Variants in GLI3 observed in about 807,000 individuals in gnomAD.
The protein encoded by GLI3 is transcription activator GLI3.
GLI3 carries 20 observed loss-of-function variants against 100.8 expected under a neutral mutation model. The observed-to-expected ratio is 0.20, with a 90% CI of 0.14 to 0.29. GLI3 has a LOEUF of 0.29. GLI3 is among the 10% of genes least tolerant of loss of function. The pLI is 1.00. For missense variants in GLI3, 2,040 were observed against 2,128.5 expected (o/e 0.96, Z 0.82); for synonymous variants, 938 against 860.5 (o/e 1.09, Z -1.58).
chr7:42,104,175 C>T (rs1785526088), intron 3 of GLI3, among the ~76,000 whole-genome samples: 1 of 152,184 alleles, frequency 6.6e-6, no homozygotes, highest in Admixed American at 6.5e-5. Flanking sequence ...AGGAATCTAT[C>T]ATCTTCAGTA....
At chr7:42,156,426 C>G (rs1179328530) in intron 2 of GLI3, among the ~76,000 whole-genome samples, 1 of 152,196 alleles carries the variant, frequency 6.6e-6, no homozygotes, top group Non-Finnish European at 1.5e-5. Context: ...ATGACTATCT[C>G]TCTCTGTGAG....
chr7:42,051,172 T>C (rs1263193932), intron 4 of GLI3, among the ~76,000 whole-genome samples: 3 of 151,914 alleles, frequency 2.0e-5, no homozygotes, highest in African/African-American at 7.3e-5. Flanking sequence ...GAAGCAACAG[T>C]GGAAAGGAGG....
chr7:42,087,714 CT>C (rs10574635), intron 3 of GLI3, among the ~76,000 whole-genome samples: 53,101 of 145,692 alleles, frequency 0.36, 9,697 homozygotes, highest in Middle Eastern at 0.46. Context: ...CCACCACCTA[CT>C]TTTTTTTTTT....
intron 3 of GLI3, among the ~76,000 whole-genome samples, chr7:42,117,365 T>C (rs1362844295): frequency 6.6e-6 from 1 of 152,234 alleles, no homozygotes; most frequent in East Asian, 1.9e-4. Flanking sequence ...TTTACAAGGC[T>C]GTCACCTGTC....
At chr7:42,253,972 C>A (rs186034106) in intron 1 of GLI3, among the ~76,000 whole-genome samples, 2 of 152,146 alleles carry the variant, frequency 1.3e-5, no homozygotes, top group African/African-American at 2.4e-5. Flanking sequence ...GTAATCCCAG[C>A]GCTCTGGGAG....
upstream of GLI3, among the ~76,000 whole-genome samples, chr7:42,240,269 C>T (rs534794368): frequency 6.6e-6 from 1 of 152,082 alleles, no homozygotes; most frequent in Non-Finnish European, 1.5e-5. Context: ...ATAGTAAGTC[C>T]TCAGAATAGT....
intron 10 of GLI3, among the ~76,000 whole-genome samples, chr7:41,998,412 T>C (rs966502262): frequency 2.4e-4 from 37 of 152,336 alleles, no homozygotes; most frequent in African/African-American, 8.4e-4. Context: ...AAACAGCTGC[T>C]TCCCACCATG....
intron 2 of GLI3, among the ~76,000 whole-genome samples, chr7:42,220,517 C>G (rs1477424413): frequency 6.6e-6 from 1 of 152,154 alleles, no homozygotes; most frequent in Non-Finnish European, 1.5e-5. Context: ...ACACCAGTCC[C>G]TGTGATCAAG....
At chr7:42,119,151 A>G (rs1785933267) in intron 3 of GLI3, among the ~76,000 whole-genome samples, 1 of 152,216 alleles carries the variant, frequency 6.6e-6, no homozygotes, top group Admixed American at 6.5e-5. Context: ...TGACTCCCGC[A>G]CTGTATTCTT....
At chr7:42,216,335 G>A (rs1788376383) in intron 2 of GLI3, among the ~76,000 whole-genome samples, 1 of 152,226 alleles carries the variant, frequency 6.6e-6, no homozygotes, top group Non-Finnish European at 1.5e-5. Flanking sequence ...CTTGAGTGCT[G>A]TGAAGGAAGG....
chr7:41,967,615 G>C lies in GLI3; in HGVS notation c.2412C>G (p.Val804=), dbSNP rs761829250. Residue 804 remains valine, a synonymous_variant, in exon 14 of 15, where the codon GTC becomes GTG. Coordinates refer to ENST00000395925, the MANE Select transcript of GLI3 (RefSeq NM_000168.6). ...ACTCACCATTTCCTATGAGAGGAGAGACCGCAGGGGCTTTAGGGGGTAGAA... is the reference window on the plus strand; with the variant it reads ...ACTCACCATTTCCTATGAGAGGAGACACCGCAGGGGCTTTAGGGGGTAGAA... ...NPILPPKAPA[V]SPLIGNGTQS... 57 of 1,612,834 alleles carry C rather than the reference G, an allele frequency of 3.5e-5. No individual in the cohort carries two copies. Among genetic ancestry groups the C allele is most frequent in the Non-Finnish European group, 4.4e-5 (52 of 1,179,254 alleles).
intron 2 of GLI3, among the ~76,000 whole-genome samples, chr7:42,205,820 A>G (rs1006226962): frequency 6.6e-6 from 1 of 152,202 alleles, no homozygotes; most frequent in African/African-American, 2.4e-5. Flanking sequence ...CAAAATGTAA[A>G]CACCAAAGCA....
At chr7:41,980,156 G>C (rs945735126) in intron 10 of GLI3, among the ~76,000 whole-genome samples, 1 of 152,174 alleles carries the variant, frequency 6.6e-6, no homozygotes, top group African/African-American at 2.4e-5. Context: ...CACAAGAAGA[G>C]AGCCAATGTC....
rs1789167470 is a variant in GLI3, at chr7:42,263,581, G to A, written c.-43+413C>T. 2.0e-5 allele frequency among the ~76,000 whole-genome samples: 3 copies of A among 152,110 alleles called. No individual in the cohort carries two copies. The South Asian group carries it at 6.2e-4, about 32-fold the overall frequency. On this transcript the variant is annotated intron_variant, in intron 1 of 2. Coordinates refer to the GLI3 transcript ENST00000678978. ...CCTGCCCCAGCCTCTGGAGTAGCTA[G>A]GATTACAGGAGCGTGCCACCATGCC...
chr7:41,973,255 T>G (rs1431260068), intron 12 of GLI3, among the ~76,000 whole-genome samples: 1 of 152,200 alleles, frequency 6.6e-6, no homozygotes, highest in Non-Finnish European at 1.5e-5. Context: ...GCCAGAACCT[T>G]TCTGCTCTTT....
At chr7:42,202,080 CAAAAAAAAA>C (rs35682171) in intron 2 of GLI3, among the ~76,000 whole-genome samples, 2 of 92,202 alleles carry the variant, frequency 2.2e-5, no homozygotes, top group Admixed American at 1.3e-4. Context: ...GACTCCGTCT[CAAAAAAAAA>C]AAAAAAAAAA....
At chr7:42,133,828 T>A (rs1403152823) in intron 3 of GLI3, among the ~76,000 whole-genome samples, 3 of 151,988 alleles carry the variant, frequency 2.0e-5, no homozygotes, top group African/African-American at 7.3e-5. Flanking sequence ...CTGCCTATAA[T>A]CCTAGCACTT....
chr7:42,254,656 A>G (rs1313559348), intron 1 of GLI3, among the ~76,000 whole-genome samples: 1 of 152,218 alleles, frequency 6.6e-6, no homozygotes, highest in Admixed American at 6.5e-5. Context: ...GATATAATTC[A>G]ATAATTTCTC....
intron 2 of GLI3, among the ~76,000 whole-genome samples, chr7:42,156,607 G>A (rs1252327753): frequency 2.6e-5 from 4 of 152,188 alleles, no homozygotes; most frequent in African/African-American, 7.2e-5. Context: ...ACAATGACAG[G>A]CCTGTTCAGA....
Sources: gnomAD v4.1 joint callset for allele counts (sites outside exome capture counted in the v4.1 genomes callset) on GRCh38, gnomAD v4.1.1 for gene constraint, MANE v1.5 for transcripts, NCBI Gene and HGNC (gene_info 2026-07-23, HGNC 2026-07-21) for gene names.